Variants in PLCB1 observed in about 807,000 individuals in gnomAD.
The protein encoded by PLCB1 is 1-phosphatidylinositol 4,5-bisphosphate phosphodiesterase beta-1.
PLCB1 carries 46 observed loss-of-function variants against 161.8 expected under a neutral mutation model. The ratio of observed to expected loss-of-function variants is 0.28; its 90% CI spans 0.22 to 0.36. The LOEUF (loss-of-function observed/expected upper bound fraction) is 0.36, where lower values mean the gene tolerates loss of function less well. PLCB1 is among the 10% of genes least tolerant of loss of function. The probability of loss-of-function intolerance (pLI) is 1.00; values close to 1 mark genes in which losing one functional copy is unlikely to be tolerated. For missense variants in PLCB1, 1,016 were observed against 1,472.5 expected, an observed-to-expected ratio of 0.69 and a Z score of 5.07; for synonymous variants, 517 against 503.7, an observed-to-expected ratio of 1.03 and a Z score of -0.35.
chr20:8,166,236 G>A (rs2051673793), intron 2 of PLCB1, among the ~76,000 whole-genome samples: 1 of 151,940 alleles, frequency 6.6e-6, no homozygotes, highest in South Asian at 2.1e-4. Flanking sequence ...ATATCAACCT[G>A]GATTCTGTAC....
At chr20:8,642,161 G>A (rs1400175326) in intron 4 of PLCB1, among the ~76,000 whole-genome samples, 12 of 151,972 alleles carry the variant, frequency 7.9e-5, no homozygotes, top group Admixed American at 7.2e-4. Flanking sequence ...TTGTAATTAT[G>A]TATGATTGGC....
intron 31 of PLCB1, among the ~76,000 whole-genome samples, chr20:8,793,788 T>C (rs1983886442): frequency 6.6e-6 from 1 of 152,162 alleles, no homozygotes; most frequent in Admixed American, 6.6e-5. Context: ...CGTTTTGAGA[T>C]CAACTGGTCT....
chr20:8,424,079 T>C (rs955766809), intron 3 of PLCB1, among the ~76,000 whole-genome samples: 3 of 152,158 alleles, frequency 2.0e-5, no homozygotes, highest in African/African-American at 7.2e-5. Context: ...CATTTTACAA[T>C]TCCTTATTGG....
At chr20:8,280,395 G>A (rs913292376) in intron 2 of PLCB1, among the ~76,000 whole-genome samples, 6 of 151,970 alleles carry the variant, frequency 3.9e-5, no homozygotes, top group Admixed American at 6.6e-5. Context: ...GTTGAGGTTG[G>A]TAATACAAGA....
At chr20:8,723,526 A>C (rs1014152976) in intron 15 of PLCB1, among the ~76,000 whole-genome samples, 9 of 152,190 alleles carry the variant, frequency 5.9e-5, no homozygotes, top group Non-Finnish European at 5.9e-5. Flanking sequence ...TTTTCATTAA[A>C]AACTCTATCA....
At chr20:8,632,288 G>A (rs971138429) in intron 4 of PLCB1, among the ~76,000 whole-genome samples, 2 of 151,954 alleles carry the variant, frequency 1.3e-5, no homozygotes, top group Non-Finnish European at 2.9e-5. Flanking sequence ...ATGGATATGA[G>A]CCTTCAAGCC....
At chr20:8,202,679 C>A (rs1176789666) in intron 2 of PLCB1, among the ~76,000 whole-genome samples, 1 of 152,142 alleles carries the variant, frequency 6.6e-6, no homozygotes, top group Non-Finnish European at 1.5e-5. Flanking sequence ...GTGTGCCAGG[C>A]AATGCATTGT....
intron 2 of PLCB1, among the ~76,000 whole-genome samples, chr20:8,294,178 C>T (rs1983519289): frequency 6.6e-6 from 1 of 152,086 alleles, no homozygotes; most frequent in East Asian, 1.9e-4. Flanking sequence ...CAATGCAAGA[C>T]ATTGACAAAA....
At chr20:8,832,187 A>G (rs1424364192) in intron 31 of PLCB1, among the ~76,000 whole-genome samples, 1 of 152,158 alleles carries the variant, frequency 6.6e-6, no homozygotes, top group Non-Finnish European at 1.5e-5. Context: ...AGGAATGGTA[A>G]GGTCAGAGAC....
chr20:8,775,065 A>C (rs1044286794), intron 27 of PLCB1, among the ~76,000 whole-genome samples: 1 of 131,856 alleles, frequency 7.6e-6, no homozygotes, highest in African/African-American at 2.8e-5. Flanking sequence ...GTTGCAAACA[A>C]ATTTTCCCTT....
chr20:8,650,545 A>G (rs1473167640), intron 7 of PLCB1, among the ~76,000 whole-genome samples: 1 of 152,212 alleles, frequency 6.6e-6, no homozygotes, highest in Non-Finnish European at 1.5e-5. Flanking sequence ...TGGAGCTGTA[A>G]CACTGCTGCC....
At chr20:8,191,029 A>G (rs1353336492) in intron 2 of PLCB1, among the ~76,000 whole-genome samples, 1 of 152,120 alleles carries the variant, frequency 6.6e-6, no homozygotes, top group East Asian at 1.9e-4. Flanking sequence ...GAGTTATGAT[A>G]AAACAACCTC....
intron 12 of PLCB1, chr20:8,716,010 T>G: frequency 2.4e-6 from 1 of 410,436 alleles, no homozygotes; most frequent in Non-Finnish European, 4.4e-6. Context: ...GCAAATGACA[T>G]GCTGTCCCCT....
intron 19 of PLCB1, among the ~76,000 whole-genome samples, chr20:8,733,652 G>A (rs1212969485): frequency 1.3e-5 from 2 of 150,422 alleles, no homozygotes; most frequent in Non-Finnish European, 2.9e-5. Flanking sequence ...GGTGGGGGGA[G>A]CGGGGAGGGA....
rs542043813 is a variant in PLCB1 at position 8,535,771 on chromosome 20, G to A, written c.247-92523G>A. On this transcript the variant is annotated intron_variant, in intron 3 of 31. Coordinates refer to ENST00000338037, the MANE Select transcript of PLCB1 (RefSeq NM_015192.4). ...AAGCTTCAACATGAAAAATTATTTT[G>A]ATATAATAAAAGAGAAAATAACAGG... is the stretch of plus-strand genomic sequence containing the variant. 2.9e-3 allele frequency among the ~76,000 whole-genome samples: 441 copies of A among 152,094 alleles called. 3 individuals carry two copies. Among genetic ancestry groups the A allele is most frequent in the Non-Finnish European group, 2.1e-3 (141 of 67,994 alleles).
chr20:8,845,703 G>C (rs926987819), intron 31 of PLCB1, among the ~76,000 whole-genome samples: 7 of 151,962 alleles, frequency 4.6e-5, no homozygotes, highest in African/African-American at 1.7e-4. Context: ...AATCACAGAT[G>C]AAGATTTTAG....
chr20:8,771,861 T>TTTCCTTCCTTCCTTCG (rs60377203), intron 26 of PLCB1, among the ~76,000 whole-genome samples: 90,770 of 129,966 alleles, frequency 0.7, 28,758 homozygotes, highest in Non-Finnish European at 0.73. Flanking sequence ...ATTGAATTTG[T>TTTCCTTCCTTCCTTCG]TTCCTTCCTT....
rs186396868 is a variant in PLCB1 at position 8,396,754 on chromosome 20, G to A, written c.246+25304G>A. The stretch of plus-strand genomic sequence containing the variant: ...TTTATTTTCCCAAAGATCAAACTGT[G>A]TTCATCTATATATTTGCATACGTAA... On this transcript the variant is annotated intron_variant, in intron 3 of 31. Transcript: ENST00000338037. Among the ~76,000 whole-genome samples, 32 of 152,082 alleles carry A rather than the reference G, an allele frequency of 2.1e-4. 1 individual carries two copies. In the East Asian group the frequency reaches 6.2e-3, roughly 29 times the overall value.
At chr20:8,736,924 A>C in intron 19 of PLCB1, 104 bp from the exon 20 acceptor site, 3 of 815,550 alleles carry the variant, frequency 3.7e-6, no homozygotes, top group Admixed American at 2.4e-5. Context: ...TTATAATTCA[A>C]CATTTGCTGA....
Sources: allele counts gnomAD v4.1 joint callset (sites outside exome capture counted in the v4.1 genomes callset), GRCh38; gene constraint gnomAD v4.1.1; transcripts MANE v1.5; gene names NCBI Gene and HGNC (gene_info 2026-07-23, HGNC 2026-07-21).